Variants in ITFG1 observed in about 807,000 individuals in gnomAD.
ITFG1 encodes the protein integrin alpha FG-GAP repeat containing 1.
Under a neutral mutation model 81.8 loss-of-function variants are expected in ITFG1, and 34 were observed. The ratio of observed to expected loss-of-function variants is 0.42; its 90% CI spans 0.32 to 0.55. ITFG1 has a LOEUF of 0.55. Among genes scored for constraint, ITFG1 ranks in the 20% least tolerant of loss-of-function variants. The probability of loss-of-function intolerance (pLI) is 0.17; values close to 1 mark genes in which losing one functional copy is unlikely to be tolerated. For synonymous variants in ITFG1, 285 were observed against 270.6 expected, an observed-to-expected ratio of 1.05 and a Z score of -0.52; for missense variants, 672 against 755.4, an observed-to-expected ratio of 0.89 and a Z score of 1.29.
intron 14 of ITFG1, among the ~76,000 whole-genome samples, chr16:47,179,418 C>G (rs1965071768): frequency 6.6e-6 from 1 of 152,108 alleles, no homozygotes; most frequent in South Asian, 2.1e-4. Flanking sequence ...CACATGTATA[C>G]ATATGTAACA....
intron 8 of ITFG1, among the ~76,000 whole-genome samples, chr16:47,358,606 T>C (rs921435456): frequency 1.5e-4 from 23 of 152,242 alleles, no homozygotes; most frequent in Admixed American, 1.4e-3. Context: ...TGTTAATCTT[T>C]ATCATATGAA....
At chr16:47,236,565 G>C (rs939021842) in intron 13 of ITFG1, among the ~76,000 whole-genome samples, 1 of 151,222 alleles carries the variant, frequency 6.6e-6, no homozygotes. Context: ...AGTAAAATCA[G>C]TGGTTTCAAA....
chr16:47,344,289 C>T (rs1049295563), intron 8 of ITFG1, among the ~76,000 whole-genome samples: 1 of 151,850 alleles, frequency 6.6e-6, no homozygotes, highest in African/African-American at 2.4e-5. Flanking sequence ...ATATTTTAAC[C>T]AAATTTTTAA....
At position 47,163,336 on chromosome 16, in the gene ITFG1, G is replaced by C. The variant is rs936119960; in HGVS notation, c.1454-672C>G. Among the ~76,000 whole-genome samples, 8 of 152,114 alleles carry C rather than the reference G, an allele frequency of 5.3e-5. No individual in the cohort carries two copies. In the South Asian group the frequency reaches 6.2e-4, roughly 12 times the overall value. On this transcript the variant is annotated intron_variant, in intron 14 of 17. Coordinates refer to ENST00000320640, the MANE Select transcript of ITFG1 (RefSeq NM_030790.5). Reference sequence around the variant, plus strand: ...TCCAGCTGTATGTAATCACTAATCTGCTTTCTGACTCAATAGATTTGCCTA... The same window carrying C: ...TCCAGCTGTATGTAATCACTAATCTCCTTTCTGACTCAATAGATTTGCCTA...
chr16:47,286,869 G>A (rs550216762), intron 10 of ITFG1, among the ~76,000 whole-genome samples: 1 of 152,204 alleles, frequency 6.6e-6, no homozygotes, highest in African/African-American at 2.4e-5. Context: ...CATGAGATAG[G>A]CAAGGCTGAG....
At chr16:47,186,359 C>G (rs1303804256) in intron 14 of ITFG1, among the ~76,000 whole-genome samples, 4 of 152,120 alleles carry the variant, frequency 2.6e-5, no homozygotes, top group Non-Finnish European at 5.9e-5. Flanking sequence ...CAAAAATCCT[C>G]AATAAAATAC....
At chr16:47,202,587 T>TAA (rs200638950) in intron 14 of ITFG1, among the ~76,000 whole-genome samples, 9 of 145,878 alleles carry the variant, frequency 6.2e-5, no homozygotes, top group Non-Finnish European at 6.1e-5. Flanking sequence ...AGGTGTAACT[T>TAA]AAAAAAAAAA....
intron 6 of ITFG1, among the ~76,000 whole-genome samples, chr16:47,399,094 C>A (rs540880818): frequency 1.3e-5 from 2 of 152,146 alleles, no homozygotes; most frequent in African/African-American, 4.8e-5. Flanking sequence ...AGAAATGTTA[C>A]CAAAGTGTAA....
intron 14 of ITFG1, among the ~76,000 whole-genome samples, chr16:47,169,407 A>C (rs1468764436): frequency 6.6e-6 from 1 of 151,772 alleles, no homozygotes; most frequent in Non-Finnish European, 1.5e-5. Flanking sequence ...AAATCTTTCA[A>C]TTTTTTGGTT....
At chr16:47,280,997 A>T (rs1013325086) in intron 10 of ITFG1, among the ~76,000 whole-genome samples, 7 of 152,262 alleles carry the variant, frequency 4.6e-5, no homozygotes, top group African/African-American at 1.4e-4. Flanking sequence ...CTTCTTTTAG[A>T]ATAAACTACA....
chr16:47,224,311 C>A (rs1965732360), intron 13 of ITFG1, among the ~76,000 whole-genome samples: 1 of 152,132 alleles, frequency 6.6e-6, no homozygotes, highest in Admixed American at 6.5e-5. Flanking sequence ...GAGAGGTTGA[C>A]CAAATCTTAA....
At chr16:47,252,008 C>T (rs1016080516) in intron 12 of ITFG1, among the ~76,000 whole-genome samples, 9 of 152,106 alleles carry the variant, frequency 5.9e-5, no homozygotes, top group East Asian at 3.9e-4. Context: ...TCTGTAATAG[C>T]GAACTTAGTG....
intron 6 of ITFG1, among the ~76,000 whole-genome samples, chr16:47,387,387 A>C (rs1267147092): frequency 6.6e-6 from 1 of 152,212 alleles, no homozygotes; most frequent in Non-Finnish European, 1.5e-5. Flanking sequence ...GTGGAAAAGA[A>C]TCTGGCTCCA....
At chr16:47,412,942 T>C (rs1968830254) in intron 6 of ITFG1, among the ~76,000 whole-genome samples, 1 of 152,106 alleles carries the variant, frequency 6.6e-6, no homozygotes, top group Non-Finnish European at 1.5e-5. Flanking sequence ...TTGGAAAGCA[T>C]ATTTGAGGAT....
intron 8 of ITFG1, among the ~76,000 whole-genome samples, chr16:47,350,688 G>C (rs984211727): frequency 1.2e-4 from 18 of 152,318 alleles, no homozygotes; most frequent in Admixed American, 1.1e-3. Context: ...AATAGAAAAA[G>C]AGGGAATCCT....
At chr16:47,271,092 T>C (rs548734551) in intron 10 of ITFG1, among the ~76,000 whole-genome samples, 28 of 152,236 alleles carry the variant, frequency 1.8e-4, no homozygotes, top group South Asian at 4.1e-4. Flanking sequence ...CATGAAACTC[T>C]CATGATAAAA....
intron 10 of ITFG1, among the ~76,000 whole-genome samples, chr16:47,284,899 A>G (rs549737776): frequency 6.6e-6 from 1 of 152,332 alleles, no homozygotes; most frequent in African/African-American, 2.4e-5. Context: ...TTATGGTGTA[A>G]TATTTATTCT....
intron 6 of ITFG1, among the ~76,000 whole-genome samples, chr16:47,394,323 T>C (rs1002507641): frequency 2.6e-5 from 4 of 152,262 alleles, no homozygotes; most frequent in Admixed American, 1.3e-4. Flanking sequence ...TTATATACTT[T>C]TAAGTCAGCT....
intron 14 of ITFG1, among the ~76,000 whole-genome samples, chr16:47,174,682 G>A (rs768317755): frequency 1.1e-4 from 17 of 152,092 alleles, no homozygotes; most frequent in Non-Finnish European, 2.1e-4. Flanking sequence ...CACCATGTCC[G>A]GCTAATTTTG....
Sources: allele counts gnomAD v4.1 joint callset (sites outside exome capture counted in the v4.1 genomes callset), GRCh38; gene constraint gnomAD v4.1.1; transcripts MANE v1.5; gene names NCBI Gene and HGNC (gene_info 2026-07-23, HGNC 2026-07-21).